PDE4B: variants seen among roughly 807,000 people sequenced by gnomAD.
PDE4B encodes the protein 3',5'-cyclic-AMP phosphodiesterase 4B.
In PDE4B, 20 loss-of-function variants were observed where a neutral mutation model predicts 82.2. That is an observed-to-expected ratio of 0.24 (90% CI 0.17 to 0.35). The LOEUF (loss-of-function observed/expected upper bound fraction) is 0.35. Ranked by LOEUF, PDE4B falls within the 10% of genes least tolerant of loss-of-function variation. PDE4B has a pLI of 1.00. For missense variants in PDE4B, 655 were observed against 907.2 expected, an observed-to-expected ratio of 0.72 and a Z score of 3.57; for synonymous variants, 320 against 318.9, an observed-to-expected ratio of 1.00 and a Z score of -0.04.
At chr1:66,153,663 G>A (rs567062272) in intron 3 of PDE4B, among the ~76,000 whole-genome samples, 7 of 152,288 alleles carry the variant, frequency 4.6e-5, no homozygotes, top group South Asian at 2.1e-4. Flanking sequence ...AGCCCAGTGC[G>A]GAAGGCAGAT....
In PDE4B at chr1:66,118,542, A is replaced by G. The variant is rs190520944; in HGVS notation, c.282-128918A>G. 3.4e-3 allele frequency among the ~76,000 whole-genome samples: 518 copies of G among 151,444 alleles called. 4 individuals are homozygous for G. The highest frequency in any genetic ancestry group is 0.012 in the African/African-American group (490 of 41,358). On this transcript the variant is annotated intron_variant, in intron 3 of 16. Coordinates refer to ENST00000341517, the MANE Select transcript of PDE4B (RefSeq NM_002600.4). The stretch of plus-strand genomic sequence containing the variant: ...ACAATGAGAACACTTGGACACAGGA[A>G]GGGGAACATCACACAGCCTGTTGTG...
chr1:65,933,066 T>C (rs1046301967), intron 3 of PDE4B, among the ~76,000 whole-genome samples: 1 of 151,990 alleles, frequency 6.6e-6, no homozygotes, highest in Non-Finnish European at 1.5e-5. Context: ...ACTTCCCAAA[T>C]CTGGGGAAGA....
At chr1:66,025,807 A>G (rs1306464966) in intron 3 of PDE4B, among the ~76,000 whole-genome samples, 1 of 152,218 alleles carries the variant, frequency 6.6e-6, no homozygotes, top group African/African-American at 2.4e-5. Context: ...ACTTAGGTAC[A>G]GTAAAAATTT....
intron 1 of PDE4B, among the ~76,000 whole-genome samples, chr1:65,906,243 G>A (rs542155001): frequency 2.5e-4 from 38 of 152,164 alleles, no homozygotes; most frequent in African/African-American, 7.9e-4. Flanking sequence ...TCTGTTTGTA[G>A]ATCTTCTGTG....
intron 7 of PDE4B, among the ~76,000 whole-genome samples, chr1:66,327,391 C>T (rs1411504062): frequency 6.6e-6 from 1 of 152,222 alleles, no homozygotes; most frequent in African/African-American, 2.4e-5. Flanking sequence ...ACATACATGA[C>T]ATGCACAAAG....
At chr1:66,075,305 TG>T (rs1656362697) in intron 3 of PDE4B, among the ~76,000 whole-genome samples, 3 of 152,202 alleles carry the variant, frequency 2.0e-5, no homozygotes, top group African/African-American at 7.2e-5. Flanking sequence ...TGAACATTTT[TG>T]TACAAATTTT....
chr1:65,948,395 G>A (rs2100564592), intron 3 of PDE4B, among the ~76,000 whole-genome samples: 1 of 152,098 alleles, frequency 6.6e-6, no homozygotes, highest in East Asian at 1.9e-4. Context: ...AGCTTGAGGA[G>A]CAAGGATAGC....
intron 3 of PDE4B, among the ~76,000 whole-genome samples, chr1:66,131,639 T>TA (rs1645953170): frequency 3.6e-5 from 1 of 27,960 alleles, no homozygotes; most frequent in East Asian, 1.5e-3. Context: ...ATATATATAT[T>TA]ACTAACCAGG....
At chr1:66,047,523 G>A (rs1433432946) in intron 3 of PDE4B, among the ~76,000 whole-genome samples, 1 of 151,878 alleles carries the variant, frequency 6.6e-6, no homozygotes, top group African/African-American at 2.4e-5. Flanking sequence ...CTGAGCTCCA[G>A]CCCAGTGTTG....
Position 66,372,468 on chromosome 1 carries a change from G to C in PDE4B, c.2001G>C (p.Gln667His). ...GTCCCTCACCACCACTGGACGAGCA[G>C]AACAGGGACTGCCAGGGTCTGATGG... is the stretch of plus-strand genomic sequence containing the variant. ...PQSPSPPLDE[Q>H]NRDCQGLMEK... The change falls in exon 17 of 17, where the codon CAG becomes CAC. Residue 667 changes from glutamine (Q) to histidine (H), a missense_variant. By Grantham distance (24) the Gln-to-His change is conservative. This residue lies in a region of PDE4B where 119 missense variants were observed against 115.2 expected (regional missense o/e 1.03). Transcript: ENST00000341517. 2 of 1,614,132 alleles carry C rather than the reference G, an allele frequency of 1.2e-6. No homozygotes were observed. The highest frequency in any genetic ancestry group is 1.3e-5 in the African/African-American group (1 of 75,046).
intron 7 of PDE4B, among the ~76,000 whole-genome samples, chr1:66,307,902 C>T (rs1335795527): frequency 5.3e-5 from 8 of 151,970 alleles, no homozygotes; most frequent in South Asian, 4.2e-4. Context: ...GGAGTTAAGT[C>T]GAGGGCCAAG....
Position 66,090,621 on chromosome 1 carries a change from A to ATATATATATATATATATATG in PDE4B, c.282-156838_282-156837insATATATATATATATATATGT. ...TTATATATATATATGTATATAATAT[A>ATATATATATATATATATATG]TGTGTGTGTGTGTGTGTGTATGTAC... On this transcript the variant is annotated intron_variant, in intron 3 of 16. Coordinates refer to ENST00000341517, the MANE Select transcript of PDE4B (RefSeq NM_002600.4). Among the ~76,000 whole-genome samples the ATATATATATATATATATATG allele has an allele frequency of 5.7e-4, 70 of 122,688 alleles. 1 individual carries two copies. The highest frequency in any genetic ancestry group is 2.8e-3 in the African/African-American group (68 of 24,342). 80.5% of individuals were successfully genotyped at this position (122,688 alleles called of 152,430 possible).
intron 8 of PDE4B, among the ~76,000 whole-genome samples, chr1:66,346,516 A>T (rs1034267381): frequency 6.6e-6 from 1 of 152,172 alleles, no homozygotes; most frequent in Non-Finnish European, 1.5e-5. Flanking sequence ...TGCTTCATCT[A>T]TCTTTCTGGC....
intron 1 of PDE4B, among the ~76,000 whole-genome samples, chr1:65,870,386 T>A (rs1646559576): frequency 6.6e-6 from 1 of 152,172 alleles, no homozygotes; most frequent in Non-Finnish European, 1.5e-5. Flanking sequence ...GCTTCCTTGC[T>A]ACCAGCCAAA....
At chr1:65,861,441 G>T (rs777603358) in intron 1 of PDE4B, among the ~76,000 whole-genome samples, 4 of 152,114 alleles carry the variant, frequency 2.6e-5, no homozygotes, top group African/African-American at 4.8e-5. Context: ...TGCTGTTTTG[G>T]TTACTGTAGC....
At chr1:66,066,259 A>ATAGTCCCTACCCGCAGCCTCCTCCATCCC (rs1655840418) in intron 3 of PDE4B, among the ~76,000 whole-genome samples, 5 of 151,888 alleles carry the variant, frequency 3.3e-5, no homozygotes, top group Admixed American at 3.3e-4. Context: ...TAGTAATGAG[A>ATAGTCCCTACCCGCAGCCTCCTCCATCCC]TAGTCCCTAC....
At chr1:65,823,176 T>G (rs1261480362) in intron 1 of PDE4B, among the ~76,000 whole-genome samples, 1 of 151,872 alleles carries the variant, frequency 6.6e-6, no homozygotes, top group Non-Finnish European at 1.5e-5. Context: ...GGCGGATGGA[T>G]CGCAAGGTCA....
At chr1:66,088,414 G>T (rs1327479761) in intron 3 of PDE4B, among the ~76,000 whole-genome samples, 2 of 152,074 alleles carry the variant, frequency 1.3e-5, no homozygotes, top group African/African-American at 2.4e-5. Context: ...AGGAGACATG[G>T]ATTTGGGAGC....
At chr1:66,001,358 A>G (rs1003223709) in intron 3 of PDE4B, among the ~76,000 whole-genome samples, 10 of 152,212 alleles carry the variant, frequency 6.6e-5, no homozygotes, top group African/African-American at 2.2e-4. Context: ...TATGTTGAAG[A>G]GAGCACATTT....
Sources: gnomAD v4.1 joint callset for allele counts (sites outside exome capture counted in the v4.1 genomes callset) on GRCh38, gnomAD v4.1.1 for gene constraint, gnomAD v4.1.1 regional missense constraint, MANE v1.5 for transcripts, NCBI Gene and HGNC (gene_info 2026-07-23, HGNC 2026-07-21) for gene names.